SNX29: variants seen among roughly 807,000 people sequenced by gnomAD.
The protein encoded by SNX29 is sorting nexin 29.
SNX29 carries 78 observed loss-of-function variants against 102.1 expected under a neutral mutation model. The ratio of observed to expected loss-of-function variants is 0.76; its 90% confidence interval spans 0.64 to 0.92. The LOEUF is 0.92. Among genes scored for constraint, SNX29 ranks in the 40% least tolerant of loss-of-function variants. The pLI is 0.00. For synonymous variants in SNX29, 580 were observed against 414.5 expected, an observed-to-expected ratio of 1.40 and a Z score of -4.85; for missense variants, 1,280 against 1,061.7, an observed-to-expected ratio of 1.21 and a Z score of -2.86.
At chr16:12,012,551 G>C (rs2151061283) in intron 3 of SNX29, among the ~76,000 whole-genome samples, 1 of 152,224 alleles carries the variant, frequency 6.6e-6, no homozygotes, top group African/African-American at 2.4e-5. Flanking sequence ...TGGGACTACA[G>C]GCGCCTGCCC....
intron 11 of SNX29, among the ~76,000 whole-genome samples, chr16:12,099,612 C>T (rs1217265337): frequency 1.3e-5 from 2 of 152,204 alleles, no homozygotes; most frequent in Non-Finnish European, 2.9e-5. Flanking sequence ...GGGTGGAGTC[C>T]TGTCGGCCTC....
At chr16:12,487,731 C>T (rs1409086420) in intron 19 of SNX29, among the ~76,000 whole-genome samples, 1 of 152,196 alleles carries the variant, frequency 6.6e-6, no homozygotes, top group Non-Finnish European at 1.5e-5. Flanking sequence ...GGAGTTCACA[C>T]ACCATCCCCC....
At chr16:12,562,917 C>T (rs892006891) in intron 20 of SNX29, among the ~76,000 whole-genome samples, 4 of 152,220 alleles carry the variant, frequency 2.6e-5, no homozygotes, top group South Asian at 4.1e-4. Flanking sequence ...GAGATTCGTC[C>T]ATGTTGCCAA....
chr16:12,390,484 C>G (rs1478616391), intron 16 of SNX29, among the ~76,000 whole-genome samples: 2 of 152,148 alleles, frequency 1.3e-5, no homozygotes. Context: ...GTATGCTCTG[C>G]AAGCCCCGGG....
At position 12,566,543 on chromosome 16, in the gene SNX29, G is replaced by A. The variant is rs146038133; in HGVS notation, c.2319-1963G>A. Among the ~76,000 whole-genome samples the A allele has an allele frequency of 2.6e-5, 4 of 152,318 alleles. No individual in the cohort carries two copies. The East Asian group carries it at 5.8e-4, about 22-fold the overall frequency. On this transcript the variant is annotated intron_variant, in intron 20 of 20. Transcript: ENST00000566228. ...CCGCATCTGAAGAGCATGACAGGAG[G>A]GGGTTGTGAGGGCATGGCTTTAAAC... is the stretch of plus-strand genomic sequence containing the variant.
At chr16:12,514,813 C>T (rs574136336) in intron 19 of SNX29, among the ~76,000 whole-genome samples, 1 of 151,264 alleles carries the variant, frequency 6.6e-6, no homozygotes, top group South Asian at 2.1e-4. Context: ...TGCAGTGAGC[C>T]GAGATTGTGC....
chr16:12,451,145 A>G (rs2086282886), intron 18 of SNX29, among the ~76,000 whole-genome samples: 1 of 152,218 alleles, frequency 6.6e-6, no homozygotes. Flanking sequence ...TATTGATTCA[A>G]CAATCTGCTA....
chr16:12,187,959 C>A (rs2076551833), intron 13 of SNX29, among the ~76,000 whole-genome samples: 1 of 152,144 alleles, frequency 6.6e-6, no homozygotes, highest in Admixed American at 6.5e-5. Context: ...CCACCATGCC[C>A]TAGGAGTTAG....
At position 12,397,985 on chromosome 16, in the gene SNX29, G is replaced by T. The variant is rs536201957; in HGVS notation, c.1900-461G>T. ...AAGCCATATTCTGCTGCCTCAAATT[G>T]CTCGTACATTATGAGGGGAAAGGAT... On this transcript the variant is annotated intron_variant, in intron 16 of 20. Transcript: ENST00000566228. Among the ~76,000 whole-genome samples the T allele has an allele frequency of 2.0e-5, 3 of 152,296 alleles. No homozygotes were observed. In the South Asian group the frequency reaches 6.2e-4, roughly 32 times the overall value.
intron 10 of SNX29, among the ~76,000 whole-genome samples, chr16:12,076,789 C>G (rs941426186): frequency 6.6e-6 from 1 of 152,138 alleles, no homozygotes; most frequent in Non-Finnish European, 1.5e-5. Flanking sequence ...ATTTTCAAAC[C>G]TAGCTCTAGA....
chr16:12,235,888 T>A (rs569580130), intron 14 of SNX29, among the ~76,000 whole-genome samples: 1 of 152,020 alleles, frequency 6.6e-6, no homozygotes, highest in Non-Finnish European at 1.5e-5. Flanking sequence ...ATAGAAACCT[T>A]AGGAAACTGA....
chr16:12,103,468 C>T (rs2053103267), intron 11 of SNX29, among the ~76,000 whole-genome samples: 1 of 152,154 alleles, frequency 6.6e-6, no homozygotes, highest in Non-Finnish European at 1.5e-5. Context: ...ATAAATGGTG[C>T]TGGGAAAACT....
At chr16:12,430,915 C>G (rs937672884) in intron 18 of SNX29, among the ~76,000 whole-genome samples, 1 of 150,900 alleles carries the variant, frequency 6.6e-6, no homozygotes, top group African/African-American at 2.4e-5. Context: ...TGCAGTGGCA[C>G]AATCTCTGCT....
chr16:12,130,200 G>C (rs2054400500), intron 13 of SNX29, among the ~76,000 whole-genome samples: 1 of 151,024 alleles, frequency 6.6e-6, no homozygotes, highest in East Asian at 2.0e-4. Flanking sequence ...AAAAAAGCCG[G>C]GCATGATGGC....
Position 12,570,105 on chromosome 16 carries a change from A to G in SNX29, c.*1476A>G, listed in dbSNP as rs1567228097. ...ATACTGTGCCTTCCCCTCGTAGCAA[A>G]AAGGAAGATTGTTCATGGCCTTTAA... On this transcript the variant is annotated 3_prime_UTR_variant, in exon 21 of 21. Transcript: ENST00000566228. 1 of 1,001,192 alleles carries G rather than the reference A, an allele frequency of 1.0e-6. No homozygotes were observed. Among genetic ancestry groups the G allele is most frequent in the Non-Finnish European group, 1.2e-6 (1 of 821,240 alleles). 62.0% of individuals were successfully genotyped at this position (1,001,192 alleles called of 1,614,324 possible). A position where few individuals can be genotyped will look rare whatever the true frequency, so the allele number is the denominator to read the frequency against.
rs1310642919 is a variant in SNX29, at chr16:12,568,883, T to TA, written c.*255dup. 3.7e-6 allele frequency: 2 copies of TA among 539,234 alleles called. No homozygotes were observed. The highest frequency in any genetic ancestry group is 3.8e-5 in the African/African-American group (2 of 52,134). 33.4% of individuals were successfully genotyped at this position (539,234 alleles called of 1,614,324 possible). A position where few individuals can be genotyped will look rare whatever the true frequency, so the allele number is the denominator to read the frequency against. ...ACACAGTCCTTCTGCTTCTGGGGTC[T>TA]ACCCTGGGCTGCAAGGGCTGTTCCT... On this transcript the variant is annotated 3_prime_UTR_variant, in exon 21 of 21. Transcript: ENST00000566228.
At position 12,328,760 on chromosome 16, in the gene SNX29, C is replaced by CT. The variant is rs199626650; in HGVS notation, c.1783-27395dup. Among the ~76,000 whole-genome samples the CT allele has an allele frequency of 5.9e-3, 905 of 152,166 alleles. 12 individuals are homozygous for CT. Among genetic ancestry groups the CT allele is most frequent in the African/African-American group, 0.021 (861 of 41,516 alleles). On this transcript the variant is annotated intron_variant, in intron 15 of 20. Transcript: ENST00000566228. ...TGTATCTCTCCCTGTTTTACTCAGA[C>CT]TTTTTTTTCATTATTGCCACAAATG...
intron 14 of SNX29, among the ~76,000 whole-genome samples, chr16:12,253,600 G>T (rs2078484286): frequency 6.6e-6 from 1 of 152,182 alleles, no homozygotes; most frequent in Non-Finnish European, 1.5e-5. Context: ...CAGGGGGATG[G>T]TGGCGGTGTG....
chr16:12,079,655 A>G lies in SNX29; in HGVS notation c.1402+740A>G, dbSNP rs1359922087. 2.0e-5 allele frequency among the ~76,000 whole-genome samples: 3 copies of G among 152,206 alleles called. No homozygotes were observed. The East Asian group carries it at 5.8e-4, about 29-fold the overall frequency. ...TGGTTTATTTTTTGTACACAAAGCCATTCAGACCTACTCTTCTTGAAGTTC... is the reference window on the plus strand; with the variant it reads ...TGGTTTATTTTTTGTACACAAAGCCGTTCAGACCTACTCTTCTTGAAGTTC... On this transcript the variant is annotated intron_variant, in intron 11 of 20. Coordinates refer to ENST00000566228, the MANE Select transcript of SNX29 (RefSeq NM_032167.5).
Sources: allele counts gnomAD v4.1 joint callset (sites outside exome capture counted in the v4.1 genomes callset), GRCh38; gene constraint gnomAD v4.1.1; transcripts MANE v1.5; gene names NCBI Gene and HGNC (gene_info 2026-07-23, HGNC 2026-07-21).